Variants in CNTNAP5 observed in about 807,000 individuals in gnomAD.
The protein encoded by CNTNAP5 is contactin-associated protein-like 5.
In CNTNAP5, 72 loss-of-function variants were observed where a neutral mutation model predicts 150.2. The observed-to-expected ratio is 0.48, with a 90% confidence interval of 0.40 to 0.58. CNTNAP5 has a LOEUF of 0.58. Among genes scored for constraint, CNTNAP5 ranks in the 20% least tolerant of loss-of-function variants. The pLI is 0.00. For synonymous variants in CNTNAP5, 672 were observed against 619.8 expected (o/e 1.08, Z -1.25); for missense variants, 1,636 against 1,626.2 (o/e 1.01, Z -0.10).
In CNTNAP5 at chr2:124,388,921, G is replaced by A. The variant is rs79261650; in HGVS notation, c.382-28522G>A. Among the ~76,000 whole-genome samples, 518 of 152,138 alleles carry A rather than the reference G, an allele frequency of 3.4e-3. 3 individuals carry two copies. The highest frequency in any genetic ancestry group is 0.011 in the African/African-American group (474 of 41,508). On this transcript the variant is annotated intron_variant, in intron 3 of 23. Coordinates refer to ENST00000682447, the MANE Select transcript of CNTNAP5 (RefSeq NM_001367498.1). ...CACGGGGTCCATTTTTGTGCTCACC[G>A]TTATTCCTACAGCCTCACAGAATCC... is the stretch of plus-strand genomic sequence containing the variant.
chr2:124,769,437 A>G (rs907211110), intron 16 of CNTNAP5, among the ~76,000 whole-genome samples: 6 of 152,000 alleles, frequency 3.9e-5, no homozygotes, highest in African/African-American at 1.5e-4. Flanking sequence ...TTGAACCATA[A>G]AGAAGTAGCT....
intron 1 of CNTNAP5, among the ~76,000 whole-genome samples, chr2:124,175,908 G>C (rs1053857767): frequency 3.9e-5 from 6 of 152,160 alleles, no homozygotes; most frequent in African/African-American, 7.2e-5. Context: ...GAATATACTA[G>C]TGCCTGTGTC....
intron 13 of CNTNAP5, among the ~76,000 whole-genome samples, chr2:124,672,248 C>A (rs1397449953): frequency 6.6e-6 from 1 of 152,040 alleles, no homozygotes; most frequent in African/African-American, 2.4e-5. Flanking sequence ...AAATAAGGGC[C>A]CACCCATTTG....
chr2:124,408,222 C>G (rs991485199), intron 3 of CNTNAP5, among the ~76,000 whole-genome samples: 2 of 152,188 alleles, frequency 1.3e-5, no homozygotes, highest in Admixed American at 6.5e-5. Flanking sequence ...GCACCTGGCT[C>G]GGAGGGTCCT....
chr2:124,062,150 A>T (rs150182065), intron 1 of CNTNAP5, among the ~76,000 whole-genome samples: 1 of 152,200 alleles, frequency 6.6e-6, no homozygotes, highest in Non-Finnish European at 1.5e-5. Context: ...TTTGTTTAGC[A>T]CCTCTAATTT....
Position 124,035,704 on chromosome 2 carries a change from C to T in CNTNAP5, c.82+9972C>T, listed in dbSNP as rs540019570. On this transcript the variant is annotated intron_variant, in intron 1 of 23. Coordinates refer to ENST00000682447, the MANE Select transcript of CNTNAP5 (RefSeq NM_001367498.1). ...TGTTTATACTATAATAAAATATTTTCCCCAAATCCCCAATTAAAATTGATG... is the reference window on the plus strand; with the variant it reads ...TGTTTATACTATAATAAAATATTTTTCCCAAATCCCCAATTAAAATTGATG... 1.7e-4 allele frequency among the ~76,000 whole-genome samples: 26 copies of T among 152,168 alleles called. 2 individuals are homozygous for T. The South Asian group carries it at 5.4e-3, about 32-fold the overall frequency.
chr2:124,711,672 A>G (rs1159954284), intron 13 of CNTNAP5, among the ~76,000 whole-genome samples: 1 of 151,930 alleles, frequency 6.6e-6, no homozygotes, highest in African/African-American at 2.4e-5. Flanking sequence ...CTAAAAACAA[A>G]CAAACAAACA....
intron 3 of CNTNAP5, among the ~76,000 whole-genome samples, chr2:124,264,407 C>T (rs1193117737): frequency 4.0e-5 from 6 of 151,094 alleles, no homozygotes; most frequent in Non-Finnish European, 8.9e-5. Context: ...CACACACACA[C>T]ACACACACAC....
chr2:124,563,157 T>C (rs1302203964), intron 10 of CNTNAP5, 60 bp from the exon 11 acceptor site: 1 of 1,133,084 alleles, frequency 8.8e-7, no homozygotes, highest in Non-Finnish European at 1.3e-6. Context: ...CATTTTTGCT[T>C]TCCCCTTTCT....
chr2:124,824,169 C>T (rs868847481), intron 19 of CNTNAP5, among the ~76,000 whole-genome samples: 7 of 151,996 alleles, frequency 4.6e-5, no homozygotes, highest in East Asian at 1.9e-4. Flanking sequence ...CTGCCCTCCT[C>T]GGCTTCCCAA....
At chr2:124,615,083 C>T (rs72841390) in intron 12 of CNTNAP5, among the ~76,000 whole-genome samples, 3,935 of 152,060 alleles carry the variant, frequency 0.026, 46 homozygotes, top group Middle Eastern at 0.041. Context: ...CTTAAGAGAC[C>T]CCATCATTTT....
chr2:124,225,750 T>C (rs927543244), intron 2 of CNTNAP5, among the ~76,000 whole-genome samples: 2 of 152,270 alleles, frequency 1.3e-5, no homozygotes, highest in East Asian at 3.9e-4. Context: ...AAGTGCAAGT[T>C]TGTACCTTGA....
chr2:124,072,697 A>G lies in CNTNAP5; in HGVS notation c.82+46965A>G, dbSNP rs572278449. Among the ~76,000 whole-genome samples the G allele has an allele frequency of 3.0e-4, 46 of 152,042 alleles. No individual in the cohort carries two copies. The South Asian group carries it at 9.5e-3, about 31-fold the overall frequency. ...ATCTCTACAATGAATATTACAAAAT[A>G]TTGATGAAAAAAAGAGGACACCAAA... On this transcript the variant is annotated intron_variant, in intron 1 of 23. Coordinates refer to ENST00000682447, the MANE Select transcript of CNTNAP5 (RefSeq NM_001367498.1).
At chr2:124,279,210 T>C (rs1371536612) in intron 3 of CNTNAP5, among the ~76,000 whole-genome samples, 4 of 150,048 alleles carry the variant, frequency 2.7e-5, no homozygotes, top group Non-Finnish European at 5.9e-5. Context: ...ATATTCTTAG[T>C]TAAAACTGTA....
chr2:124,578,989 T>C (rs1397505249), intron 11 of CNTNAP5, among the ~76,000 whole-genome samples: 1 of 152,142 alleles, frequency 6.6e-6, no homozygotes, highest in African/African-American at 2.4e-5. Flanking sequence ...CTTTTATTTG[T>C]GAAAGATTTT....
At chr2:124,056,349 G>T (rs1257639559) in intron 1 of CNTNAP5, among the ~76,000 whole-genome samples, 1 of 152,176 alleles carries the variant, frequency 6.6e-6, no homozygotes, top group African/African-American at 2.4e-5. Context: ...TGATGGCCAG[G>T]CACGGTGGCT....
At chr2:124,106,282 A>C (rs1265413467) in intron 1 of CNTNAP5, among the ~76,000 whole-genome samples, 1 of 152,178 alleles carries the variant, frequency 6.6e-6, no homozygotes, top group Non-Finnish European at 1.5e-5. Flanking sequence ...GAATCTGCAG[A>C]GTTCTGTGCC....
At chr2:124,887,132 G>C (rs1454065075) in intron 21 of CNTNAP5, among the ~76,000 whole-genome samples, 1 of 152,020 alleles carries the variant, frequency 6.6e-6, no homozygotes, top group Non-Finnish European at 1.5e-5. Context: ...CTAATTTATA[G>C]TACTGTGGTG....
At chr2:124,828,766 AAAAAAATCAATC>A in intron 19 of CNTNAP5, among the ~76,000 whole-genome samples, 1 of 143,354 alleles carries the variant, frequency 7.0e-6, no homozygotes, top group African/African-American at 2.7e-5. Context: ...AAAAAAAAAA[AAAAAAATCAATC>A]ACTTAAATCA....
Sources: allele counts gnomAD v4.1 joint callset (sites outside exome capture counted in the v4.1 genomes callset), GRCh38; gene constraint gnomAD v4.1.1; transcripts MANE v1.5; gene names NCBI Gene and HGNC (gene_info 2026-07-23, HGNC 2026-07-21).